SLC23A2: variants seen among roughly 807,000 people sequenced by gnomAD.
The protein encoded by SLC23A2 is Na(+)/L-ascorbic acid transporter 2.
A neutral mutation model predicts 73.3 loss-of-function variants in SLC23A2; 36 were observed. That is an observed-to-expected ratio of 0.49 (90% CI 0.38 to 0.65). SLC23A2 has a LOEUF of 0.65. SLC23A2 is among the 30% of genes least tolerant of loss of function. The pLI, the probability that SLC23A2 is intolerant of heterozygous loss-of-function variation, is 0.00. For missense variants in SLC23A2, 507 were observed against 841.6 expected (o/e 0.60, Z 4.92); for synonymous variants, 343 against 327.3 (o/e 1.05, Z -0.52).
chr20:4,954,793 CAT>C (rs1000452283), intron 2 of SLC23A2, among the ~76,000 whole-genome samples: 9 of 150,574 alleles, frequency 6.0e-5, no homozygotes, highest in South Asian at 2.1e-4. Flanking sequence ...GCACATTACA[CAT>C]GTTAAGAAAA....
chr20:4,907,622 A>G (rs1318533359), intron 4 of SLC23A2, among the ~76,000 whole-genome samples: 1 of 152,174 alleles, frequency 6.6e-6, no homozygotes, highest in Non-Finnish European at 1.5e-5. Flanking sequence ...TAGTTTTTTA[A>G]AACTCAACAG....
chr20:4,982,853 C>A (rs1157958039), intron 1 of SLC23A2, among the ~76,000 whole-genome samples: 1 of 152,146 alleles, frequency 6.6e-6, no homozygotes, highest in East Asian at 1.9e-4. Context: ...CACCTGTAAT[C>A]CCAGCACTTT....
At chr20:4,977,627 G>A (rs115107415) in intron 1 of SLC23A2, among the ~76,000 whole-genome samples, 1,724 of 151,776 alleles carry the variant, frequency 0.011, 30 homozygotes, top group East Asian at 0.048. Flanking sequence ...GAAATGGGGA[G>A]GCAGAGGCTG....
At chr20:4,936,485 A>G (rs2086963706) in intron 2 of SLC23A2, among the ~76,000 whole-genome samples, 1 of 152,072 alleles carries the variant, frequency 6.6e-6, no homozygotes, top group African/African-American at 2.4e-5. Context: ...AGGGGGTCTC[A>G]TTATGTTGCC....
At chr20:4,999,552 A>G (rs2088083006) in intron 1 of SLC23A2, among the ~76,000 whole-genome samples, 1 of 134,666 alleles carries the variant, frequency 7.4e-6, no homozygotes, top group Non-Finnish European at 1.5e-5. Context: ...CGCCATACTC[A>G]GCTATTTTTT....
chr20:4,972,277 C>T (rs6139593), intron 1 of SLC23A2, among the ~76,000 whole-genome samples: 67,572 of 151,756 alleles, frequency 0.45, 15,124 homozygotes, highest in South Asian at 0.53. Flanking sequence ...CAATCGCCAA[C>T]GGCCCCAAGT....
intron 1 of SLC23A2, among the ~76,000 whole-genome samples, chr20:4,986,649 T>TACATACACACACAC (rs371305536): frequency 1.5e-5 from 2 of 129,728 alleles, no homozygotes; most frequent in South Asian, 5.6e-4. Flanking sequence ...CATACACACA[T>TACATACACACACAC]ACACACACAC....
At chr20:4,869,405 T>TAAA (rs199826860) in intron 12 of SLC23A2, among the ~76,000 whole-genome samples, 64 of 118,814 alleles carry the variant, frequency 5.4e-4, no homozygotes, top group African/African-American at 1.9e-3. Context: ...TCAGTTTGTG[T>TAAA]AAAAAAAAAA....
intron 1 of SLC23A2, among the ~76,000 whole-genome samples, chr20:4,993,417 A>G (rs1423914079): frequency 6.6e-6 from 1 of 151,598 alleles, no homozygotes; most frequent in Admixed American, 6.6e-5. Context: ...TCCGAAAAAA[A>G]AAAAAGAAAA....
chr20:4,958,022 C>T (rs1568642389), intron 2 of SLC23A2, among the ~76,000 whole-genome samples: 1 of 152,162 alleles, frequency 6.6e-6, no homozygotes, highest in African/African-American at 2.4e-5. Context: ...TGCTGACAAG[C>T]ACATACCACA....
At chr20:4,912,214 C>T (rs1005553260) in intron 4 of SLC23A2, among the ~76,000 whole-genome samples, 2 of 151,786 alleles carry the variant, frequency 1.3e-5, no homozygotes, top group East Asian at 1.9e-4. Flanking sequence ...GGAGATGGAA[C>T]GAGGCACAGA....
intron 3 of SLC23A2, among the ~76,000 whole-genome samples, chr20:4,925,467 C>T (rs922761296): frequency 6.6e-6 from 1 of 152,138 alleles, no homozygotes; most frequent in African/African-American, 2.4e-5. Context: ...ACTAGGAGGC[C>T]AATTCCAGGA....
intron 2 of SLC23A2, among the ~76,000 whole-genome samples, chr20:4,934,053 CAAAG>C: frequency 6.6e-6 from 1 of 152,288 alleles, no homozygotes; most frequent in East Asian, 1.9e-4. Flanking sequence ...AAAAGGAAAA[CAAAG>C]AAACTGCTGC....
chr20:4,908,113 A>C (rs192306518), intron 4 of SLC23A2, among the ~76,000 whole-genome samples: 12 of 152,362 alleles, frequency 7.9e-5, no homozygotes, highest in African/African-American at 2.9e-4. Flanking sequence ...AAACATGCAT[A>C]ATTGCAGCTC....
intron 6 of SLC23A2, among the ~76,000 whole-genome samples, chr20:4,888,177 G>T (rs758867941): frequency 2.4e-4 from 36 of 152,176 alleles, no homozygotes; most frequent in African/African-American, 5.8e-4. Flanking sequence ...TTACACCAGG[G>T]GCGGCCAAAC....
chr20:4,912,805 G>A (rs1262902234), intron 4 of SLC23A2, 75 bp downstream of exon 4: 11 of 943,066 alleles, frequency 1.2e-5, no homozygotes, highest in Admixed American at 5.1e-5. Flanking sequence ...AAAGGGATCC[G>A]GATCCAGATC....
intron 4 of SLC23A2, among the ~76,000 whole-genome samples, chr20:4,906,395 G>C (rs1931956221): frequency 6.6e-6 from 1 of 152,016 alleles, no homozygotes; most frequent in Non-Finnish European, 1.5e-5. Context: ...GGAGGCCAAG[G>C]CAGGCCAATC....
At chr20:4,858,477 T>C (rs1929824946) in intron 16 of SLC23A2, among the ~76,000 whole-genome samples, 1 of 152,202 alleles carries the variant, frequency 6.6e-6, no homozygotes, top group African/African-American at 2.4e-5. Context: ...TCCATCTATT[T>C]GTGTGTGTGA....
At chr20:4,961,014 T>C (rs1363273276) in intron 2 of SLC23A2, among the ~76,000 whole-genome samples, 1 of 151,534 alleles carries the variant, frequency 6.6e-6, no homozygotes, top group Non-Finnish European at 1.5e-5. Context: ...AGATGGAAAC[T>C]GGGACAAGGA....
Sources: allele counts gnomAD v4.1 joint callset (sites outside exome capture counted in the v4.1 genomes callset), GRCh38; gene constraint gnomAD v4.1.1; transcripts MANE v1.5; gene names NCBI Gene and HGNC (gene_info 2026-07-23, HGNC 2026-07-21).